DPP6: variants seen among roughly 807,000 people sequenced by gnomAD.
DPP6 encodes A-type potassium channel modulatory protein DPP6.
DPP6 carries 69 observed loss-of-function variants against 122.6 expected under a neutral mutation model. The ratio of observed to expected loss-of-function variants is 0.56; its 90% CI spans 0.46 to 0.69. The LOEUF (loss-of-function observed/expected upper bound fraction) is 0.69, where lower values mean the gene tolerates loss of function less well. DPP6 is among the 30% of genes least tolerant of loss of function. The pLI is 0.00. For synonymous variants in DPP6, 418 were observed against 433.1 expected (o/e 0.97, Z 0.43); for missense variants, 928 against 1,116.9 (o/e 0.83, Z 2.41).
chr7:154,580,654 G>A (rs2130661533), intron 5 of DPP6, among the ~76,000 whole-genome samples: 1 of 152,270 alleles, frequency 6.6e-6, no homozygotes, highest in East Asian at 1.9e-4. Flanking sequence ...ATGTGTGTGA[G>A]CTGTAGTTGT....
At chr7:154,267,430 A>G (rs1319416673) in intron 1 of DPP6, among the ~76,000 whole-genome samples, 1 of 148,704 alleles carries the variant, frequency 6.7e-6, no homozygotes, top group Non-Finnish European at 1.5e-5. Flanking sequence ...ATATACATAT[A>G]CATGCACATA....
chr7:154,256,986 T>C (rs937313750), intron 1 of DPP6, among the ~76,000 whole-genome samples: 1 of 141,802 alleles, frequency 7.1e-6, no homozygotes, highest in Non-Finnish European at 1.5e-5. Flanking sequence ...TCTTTTTCTT[T>C]TTCTTCTTCT....
intron 7 of DPP6, among the ~76,000 whole-genome samples, chr7:154,707,285 C>A (rs1422946025): frequency 2.0e-5 from 3 of 152,182 alleles, no homozygotes; most frequent in African/African-American, 7.2e-5. Flanking sequence ...TGCTTTCATC[C>A]TCCCCACAGC....
In DPP6 at chr7:154,061,912, T is replaced by C. The variant is rs1364887639; in HGVS notation, c.243+8849T>C. ...TGAGAGGCAATCCCTCTTCCCCCCC[T>C]GGCTCTGAGGACCCCCATCGCAGGA... On this transcript the variant is annotated intron_variant, in intron 1 of 25. Coordinates refer to ENST00000377770, the MANE Select transcript of DPP6 (RefSeq NM_130797.4). Among the ~76,000 whole-genome samples the C allele has an allele frequency of 2.4e-4, 27 of 112,606 alleles. 1 individual carries two copies. Among genetic ancestry groups the C allele is most frequent in the African/African-American group, 4.0e-4 (12 of 29,774 alleles). 73.9% of individuals were successfully genotyped at this position (112,606 alleles called of 152,430 possible).
intron 1 of DPP6, among the ~76,000 whole-genome samples, chr7:154,220,430 G>A (rs936170062): frequency 6.6e-6 from 1 of 152,188 alleles, no homozygotes; most frequent in Non-Finnish European, 1.5e-5. Flanking sequence ...TGGGGAAGGT[G>A]GGAGGAGAGA....
the DPP6 span, among the ~76,000 whole-genome samples, chr7:153,828,019 T>C: frequency 6.6e-6 from 1 of 152,150 alleles, no homozygotes; most frequent in African/African-American, 2.4e-5. Flanking sequence ...GTGATGAGCT[T>C]CTTTGCTTCT....
At chr7:154,046,357 G>GGTGGCA (rs1800016922) in intron 1 of DPP6, among the ~76,000 whole-genome samples, 1 of 152,234 alleles carries the variant, frequency 6.6e-6, no homozygotes, top group African/African-American at 2.4e-5. Context: ...TCAAAGTCAG[G>GGTGGCA]GTGGCAGTAG....
chr7:153,985,457 C>T (rs1796795937), intron 1 of DPP6, among the ~76,000 whole-genome samples: 1 of 152,168 alleles, frequency 6.6e-6, no homozygotes, highest in Non-Finnish European at 1.5e-5. Context: ...TGTCATTGCT[C>T]CCCGGGTGGC....
chr7:154,859,972 C>T lies in DPP6; in HGVS notation c.1714+6145C>T, dbSNP rs1054972157. Among the ~76,000 whole-genome samples, 9 of 152,220 alleles carry T rather than the reference C, an allele frequency of 5.9e-5. No homozygotes were observed. The East Asian group carries it at 1.2e-3, about 20-fold the overall frequency. ...ACAGCACCCCACAGCGGCCTGCAAG[C>T]GCATGTGGGAGCTTGGGATCACTAG... On this transcript the variant is annotated intron_variant, in intron 17 of 25. Coordinates refer to ENST00000377770, the MANE Select transcript of DPP6 (RefSeq NM_130797.4).
In DPP6 at chr7:154,618,852, G is replaced by C. The variant is rs1199475164; in HGVS notation, c.628-18969G>C. Among the ~76,000 whole-genome samples the C allele has an allele frequency of 6.6e-6, 1 of 152,210 alleles. No individual in the cohort carries two copies. The highest frequency in any genetic ancestry group is 1.9e-4 in the East Asian group (1 of 5,196). ...TGTGACTTGCCCAGAGTTACACACT[G>C]ATATGGTTTAGCTGTGTCCCCACCC... is the stretch of plus-strand genomic sequence containing the variant. On this transcript the variant is annotated intron_variant, in intron 5 of 25. Transcript: ENST00000377770. This position sits in a 1 kb window ranked among gnomAD's most constrained non-coding sequence, Gnocchi z 4.1.
At chr7:154,274,469 C>T (rs1803997612) in intron 1 of DPP6, among the ~76,000 whole-genome samples, 1 of 152,146 alleles carries the variant, frequency 6.6e-6, no homozygotes, top group Admixed American at 6.5e-5. Context: ...TACACCCGCC[C>T]CTGCCTGTCA....
At chr7:154,664,716 T>G (rs1401271237) in intron 6 of DPP6, among the ~76,000 whole-genome samples, 1 of 152,040 alleles carries the variant, frequency 6.6e-6, no homozygotes, top group East Asian at 1.9e-4. Flanking sequence ...GGCAATTATC[T>G]GACTTTTCAT....
At chr7:154,301,803 TTTTTTTTTTTG>T (rs1446665162) in intron 1 of DPP6, among the ~76,000 whole-genome samples, 4,879 of 100,596 alleles carry the variant, frequency 0.049, 135 homozygotes, top group African/African-American at 0.15. Flanking sequence ...TTTTTTTTTT[TTTTTTTTTTTG>T]TTGGAGACAG....
upstream of DPP6, among the ~76,000 whole-genome samples, chr7:154,051,358 A>G (rs1350522055): frequency 7.0e-6 from 1 of 143,084 alleles, no homozygotes; most frequent in Non-Finnish European, 1.5e-5. Flanking sequence ...CGCAAGGAGG[A>G]CGTGGGGACG....
chr7:154,471,134 C>T (rs1402020906), intron 2 of DPP6, among the ~76,000 whole-genome samples: 2 of 151,960 alleles, frequency 1.3e-5, no homozygotes, highest in Middle Eastern at 3.4e-3. Flanking sequence ...GCCTGTGATC[C>T]CAGCTACTCG....
chr7:154,809,292 G>A (rs1036256010), intron 16 of DPP6, among the ~76,000 whole-genome samples: 2 of 152,024 alleles, frequency 1.3e-5, no homozygotes, highest in African/African-American at 4.8e-5. Flanking sequence ...GAATGGGGAA[G>A]AGCTTGGGGG....
At chr7:154,202,849 G>T (rs904549184) in intron 1 of DPP6, among the ~76,000 whole-genome samples, 3 of 152,212 alleles carry the variant, frequency 2.0e-5, no homozygotes, top group Admixed American at 2.0e-4. Context: ...GCTAAGCACA[G>T]AACCTGGACT....
intron 4 of DPP6, among the ~76,000 whole-genome samples, chr7:154,546,167 G>A (rs1024539080): frequency 3.3e-5 from 5 of 150,336 alleles, no homozygotes; most frequent in Non-Finnish European, 7.4e-5. Context: ...AGGGTATGTA[G>A]CGATACAAAA....
At chr7:154,461,744 C>T (rs968214586) in intron 2 of DPP6, among the ~76,000 whole-genome samples, 1 of 152,138 alleles carries the variant, frequency 6.6e-6, no homozygotes. Flanking sequence ...GTTGTTTGAG[C>T]TCCATATATA....
Sources: gnomAD v4.1 joint callset for allele counts (sites outside exome capture counted in the v4.1 genomes callset) on GRCh38, gnomAD v4.1.1 for gene constraint, Gnocchi (gnomAD v3.1) non-coding constraint, MANE v1.5 for transcripts, NCBI Gene and HGNC (gene_info 2026-07-23, HGNC 2026-07-21) for gene names.